The following IAH1 variants were observed in gnomAD, a reference collection of about 807,000 sequenced individuals.
IAH1 encodes isoamyl acetate hydrolyzing esterase 1 (putative).
In IAH1, 24 loss-of-function variants were observed where a neutral mutation model predicts 26.7. That is an observed-to-expected ratio of 0.90 (90% CI 0.65 to 1.26). IAH1 has a LOEUF of 1.26. IAH1 is among the 50% of genes most tolerant of loss of function. The pLI, the probability that IAH1 is intolerant of heterozygous loss-of-function variation, is 0.00. For synonymous variants in IAH1, 140 were observed against 118.5 expected (o/e 1.18, Z -1.18); for missense variants, 300 against 299.9 (o/e 1.00, Z 0.00).
intron 6 of IAH1, chr2:9,494,995 A>C: frequency 2.5e-6 from 1 of 403,408 alleles, no homozygotes. Flanking sequence ...TGCAGAGAAA[A>C]ATCCATTCTA....
At position 9,484,429 on chromosome 2, in the gene IAH1, T is replaced by C; in HGVS notation, c.446-3T>C. On this transcript the variant is annotated splice_region_variant and splice_polypyrimidine_tract_variant and intron_variant, in intron 4 of 5. Transcript: ENST00000497473. ...TGCCACCTCTATTTCTTCTCTTCAA[T>C]AGGTTGCAAACTAAATCGCCTGAAC... The C allele has an allele frequency of 3.1e-6, 5 of 1,611,860 alleles. No individual in the cohort carries two copies. Among genetic ancestry groups the C allele is most frequent in the Middle Eastern group, 1.7e-4 (1 of 6,058 alleles).
Position 9,474,713 on chromosome 2 carries a change from G to T in IAH1, c.81+66G>T, listed in dbSNP as rs1682374342. ...CTGCGGGGTCGCTGCCGAGCAGGCCGAGGCTCCTCGCCGTCCTCTTCGGCG... is the reference window on the plus strand; with the variant it reads ...CTGCGGGGTCGCTGCCGAGCAGGCCTAGGCTCCTCGCCGTCCTCTTCGGCG... On this transcript the variant is annotated intron_variant, in intron 1 of 5. Coordinates refer to ENST00000497473, the MANE Select transcript of IAH1 (RefSeq NM_001039613.3). The surrounding 1 kb of genome is among the most constrained non-coding windows in gnomAD (Gnocchi z 4.3). 6 of 1,262,678 alleles carry T rather than the reference G, an allele frequency of 4.8e-6. No individual in the cohort carries two copies. In the South Asian group the frequency reaches 8.1e-5, roughly 17 times the overall value. 78.2% of individuals were successfully genotyped at this position (1,262,678 alleles called of 1,614,324 possible). A position where few individuals can be genotyped will look rare whatever the true frequency, so the allele number is the denominator to read the frequency against.
chr2:9,508,889 G>A, the IAH1 span, among the ~76,000 whole-genome samples: 23 of 152,080 alleles, frequency 1.5e-4, no homozygotes, highest in Admixed American at 9.2e-4. Context: ...GGCACAAGTT[G>A]TCAAGCAGAG....
In IAH1 at chr2:9,474,858, G is replaced by T; in HGVS notation, c.81+211G>T. 1 of 523,800 alleles carries T rather than the reference G, an allele frequency of 1.9e-6. No homozygotes were observed. 32.4% of individuals were successfully genotyped at this position (523,800 alleles called of 1,614,324 possible). A position where few individuals can be genotyped will look rare whatever the true frequency, so the allele number is the denominator to read the frequency against. On this transcript the variant is annotated intron_variant, in intron 1 of 5. Transcript: ENST00000497473. This position sits in a 1 kb window ranked among gnomAD's most constrained non-coding sequence, Gnocchi z 4.3. ...TCCCGGAGGTCACGACGGCGTCCGC[G>T]AGAGCCCGGGCTCCAGGCACAGACG...
the IAH1 span, chr2:9,505,452 C>T: frequency 7.2e-7 from 1 of 1,380,494 alleles, no homozygotes; most frequent in Non-Finnish European, 1.0e-6. Flanking sequence ...TAGAGACAAA[C>T]TCTTAATGTA....
the IAH1 span, among the ~76,000 whole-genome samples, chr2:9,507,948 G>A: frequency 6.6e-6 from 1 of 152,174 alleles, no homozygotes; most frequent in East Asian, 1.9e-4. Context: ...CTAGGCTCAA[G>A]TGATCTGCCC....
chr2:9,503,249 C>T, the IAH1 span, among the ~76,000 whole-genome samples: 34 of 151,914 alleles, frequency 2.2e-4, no homozygotes, highest in East Asian at 4.3e-3. Flanking sequence ...GTATTTACAG[C>T]GTTAATATGC....
downstream of IAH1, among the ~76,000 whole-genome samples, chr2:9,499,788 C>T (rs1370915395): frequency 2.6e-5 from 4 of 152,160 alleles, no homozygotes; most frequent in South Asian, 2.1e-4. Flanking sequence ...ACTATGCACA[C>T]GGAAAACCAA....
chr2:9,504,627 G>C, the IAH1 span, among the ~76,000 whole-genome samples: 1 of 149,712 alleles, frequency 6.7e-6, no homozygotes, highest in African/African-American at 2.5e-5. Flanking sequence ...GCCGGGCATG[G>C]TGGTGCGTGC....
At chr2:9,481,589 T>A (rs1558479300) in intron 4 of IAH1, 142 bp downstream of exon 4, 1 of 732,432 alleles carries the variant, frequency 1.4e-6, no homozygotes, top group Non-Finnish European at 2.2e-6. Flanking sequence ...AATCCAAAAT[T>A]ATTAAATTAT....
intron 6 of IAH1, chr2:9,494,877 AT>A: frequency 1.5e-6 from 2 of 1,371,756 alleles, no homozygotes; most frequent in Non-Finnish European, 2.0e-6. Context: ...AATCACATTT[AT>A]TTTTTATTTA....
intron 2 of IAH1, 97 bp downstream of exon 2, chr2:9,476,136 C>T: frequency 1.8e-6 from 2 of 1,109,458 alleles, no homozygotes; most frequent in South Asian, 2.6e-5. Flanking sequence ...AACATTCCTC[C>T]TTTATTAATT....
intron 5 of IAH1, chr2:9,487,463 T>C (rs919384750): frequency 2.0e-5 from 3 of 152,330 alleles, no homozygotes; most frequent in African/African-American, 7.2e-5. Flanking sequence ...TAGGCCATAT[T>C]TACCTGTTAA....
At chr2:9,507,729 CCTTTTTTTGAGATAAAGTCTCA>C in the IAH1 span, among the ~76,000 whole-genome samples, 1 of 146,200 alleles carries the variant, frequency 6.8e-6, no homozygotes, top group Non-Finnish European at 1.5e-5. Context: ...TTTTCTTTTT[CCTTTTTTTGAGATAAAGTCTCA>C]CTCTGTCATC....
chr2:9,495,321 T>C (rs1487162227), intron 6 of IAH1, among the ~76,000 whole-genome samples: 3 of 152,254 alleles, frequency 2.0e-5, no homozygotes, highest in East Asian at 1.9e-4. Context: ...CTGTGAGCCA[T>C]GTGGGCATAC....
chr2:9,488,331 C>T lies in IAH1; in HGVS notation c.*2C>T, dbSNP rs1661750957. On this transcript the variant is annotated 3_prime_UTR_variant, in exon 6 of 6. Transcript: ENST00000497473. ...CTGCTGGGAGATGGAGACCATTAGCCAATCACAGGAGACCCAAATCTGCTT... is the reference window on the plus strand; with the variant it reads ...CTGCTGGGAGATGGAGACCATTAGCTAATCACAGGAGACCCAAATCTGCTT... 1 of 1,588,696 alleles carries T rather than the reference C, an allele frequency of 6.3e-7. No homozygotes were observed. The highest frequency in any genetic ancestry group is 8.5e-7 in the Non-Finnish European group (1 of 1,171,408).
At chr2:9,512,071 C>A in the IAH1 span, among the ~76,000 whole-genome samples, 1 of 151,694 alleles carries the variant, frequency 6.6e-6, no homozygotes, top group Non-Finnish European at 1.5e-5. Context: ...TCCATAGAAC[C>A]TGAAAAAATA....
chr2:9,509,015 C>T, the IAH1 span, among the ~76,000 whole-genome samples: 4 of 151,918 alleles, frequency 2.6e-5, no homozygotes, highest in Middle Eastern at 3.4e-3. Context: ...ATGCAACAAT[C>T]AAAGATCACA....
At chr2:9,500,851 G>A (rs1004512324), downstream of IAH1, among the ~76,000 whole-genome samples, 5 of 152,148 alleles carry the variant, frequency 3.3e-5, no homozygotes, top group African/African-American at 1.2e-4. Flanking sequence ...AAAAGATACT[G>A]GACACCTGGA....
Sources: allele counts gnomAD v4.1 joint callset (sites outside exome capture counted in the v4.1 genomes callset), GRCh38; gene constraint gnomAD v4.1.1; non-coding constraint Gnocchi (gnomAD v3.1); transcripts MANE v1.5; gene names NCBI Gene and HGNC (gene_info 2026-07-23, HGNC 2026-07-21).